Variants in ECM2 observed in about 807,000 individuals in gnomAD.
ECM2 encodes the protein extracellular matrix protein 2.
In ECM2, 57 loss-of-function variants were observed where a neutral mutation model predicts 67.5. That is an observed-to-expected ratio of 0.84 (90% CI 0.68 to 1.05). The LOEUF (loss-of-function observed/expected upper bound fraction) is 1.05, where lower values mean the gene tolerates loss of function less well. Ranked by LOEUF, ECM2 falls within the 50% of genes least tolerant of loss-of-function variation. ECM2 has a pLI of 0.00. For missense variants in ECM2, 741 were observed against 822.8 expected (o/e 0.90, Z 1.22); for synonymous variants, 258 against 294.5 (o/e 0.88, Z 1.27).
rs548561850 is a variant in ECM2 at position 92,497,891 on chromosome 9, A to G, written c.1932-1408T>C. On this transcript the variant is annotated intron_variant, in intron 9 of 9. Coordinates refer to ENST00000344604, the MANE Select transcript of ECM2 (RefSeq NM_001393.4). ...TGGTTGTTTAAAAAAAAAAAAAAAA[A>G]AAGAAGTCTGGCACCTCCCCATTCT... Among the ~76,000 whole-genome samples, 68 of 150,216 alleles carry G rather than the reference A, an allele frequency of 4.5e-4. 1 individual carries two copies. The East Asian group carries it at 7.0e-3, about 16-fold the overall frequency.
At chr9:92,521,653 T>C (rs1848077619) in intron 2 of ECM2, among the ~76,000 whole-genome samples, 2 of 152,214 alleles carry the variant, frequency 1.3e-5, no homozygotes. Context: ...ATGTAAACCA[T>C]TTAATACGTT....
Position 92,522,799 on chromosome 9 carries a change from T to C in ECM2, c.68A>G (p.Glu23Gly), listed in dbSNP as rs769256474. Residue 23 changes from glutamate (E) to glycine (G), a missense_variant, in exon 2 of 10, where the codon GAA (glutamate) becomes GGA (glycine). Coordinates refer to ENST00000344604, the MANE Select transcript of ECM2 (RefSeq NM_001393.4). The part of the protein sequence containing the change: ...IIFQTDFGKN[E>G]EIPRKQRRKI... ...CCTCCTTTGCTTCCTAGGAATTTCT[T>C]CATTTTTTCCAAAGTCAGTTTGAAA... 1.2e-6 allele frequency: 2 copies of C among 1,613,224 alleles called. No homozygotes were observed. Among genetic ancestry groups the C allele is most frequent in the African/African-American group, 2.7e-5 (2 of 74,896 alleles).
At chr9:92,495,233 A>T (rs1846290531), downstream of ECM2, 1 of 632,946 alleles carries the variant, frequency 1.6e-6, no homozygotes, top group Admixed American at 6.3e-5. Flanking sequence ...GCCAAGACAT[A>T]AAACTGAGAG....
intron 1 of ECM2, among the ~76,000 whole-genome samples, chr9:92,531,877 G>C (rs1316575964): frequency 6.6e-6 from 1 of 151,856 alleles, no homozygotes; most frequent in Non-Finnish European, 1.5e-5. Context: ...ATACATTCTG[G>C]GGTTGACAAG....
At chr9:92,549,325 A>G in the ECM2 span, among the ~76,000 whole-genome samples, 6 of 152,314 alleles carry the variant, frequency 3.9e-5, no homozygotes, top group East Asian at 1.2e-3. Context: ...ATGAGGTTCC[A>G]GGGGCACAGG....
chr9:92,547,326 A>G, the ECM2 span, among the ~76,000 whole-genome samples: 2 of 152,270 alleles, frequency 1.3e-5, no homozygotes, highest in African/African-American at 2.4e-5. Context: ...CTGAAAACAC[A>G]TATGTCCACA....
chr9:92,551,993 G>T, the ECM2 span, among the ~76,000 whole-genome samples: 1 of 127,484 alleles, frequency 7.8e-6, no homozygotes, highest in Non-Finnish European at 1.7e-5. Flanking sequence ...GTATATATGT[G>T]ATATATATGT....
Position 92,522,696 on chromosome 9 carries a change from T to C in ECM2, c.171A>G (p.Gln57=), listed in dbSNP as rs775117788. 6.2e-7 allele frequency: 1 copy of C among 1,614,174 alleles called. No homozygotes were observed. The highest frequency in any genetic ancestry group is 1.7e-5 in the Admixed American group (1 of 60,018). Residue 57 remains glutamine (Q), a synonymous_variant, in exon 2 of 10, where the codon CAA becomes CAG. Coordinates refer to ENST00000344604, the MANE Select transcript of ECM2 (RefSeq NM_001393.4). The part of the protein sequence containing the change: ...HRSNRQLGIQ[Q]TTVFTPVARL... ...TTGCTACTGGTGTAAAAACTGTTGTTTGCTGAATTCCAAGCTGTCTGTTTG... is the reference window on the plus strand; with the variant it reads ...TTGCTACTGGTGTAAAAACTGTTGTCTGCTGAATTCCAAGCTGTCTGTTTG...
At chr9:92,557,803 C>T in the ECM2 span, among the ~76,000 whole-genome samples, 91 of 152,116 alleles carry the variant, frequency 6.0e-4, no homozygotes, top group Middle Eastern at 3.4e-3. Context: ...CCACCACGCC[C>T]GACTAATTTT....
At chr9:92,548,373 A>G in the ECM2 span, among the ~76,000 whole-genome samples, 1 of 152,226 alleles carries the variant, frequency 6.6e-6, no homozygotes, top group Non-Finnish European at 1.5e-5. Context: ...ATTTCAGCTC[A>G]GCAAAGGGAA....
downstream of ECM2, chr9:92,495,242 A>G (rs922445357): frequency 2.7e-5 from 18 of 659,932 alleles, no homozygotes; most frequent in Admixed American, 3.2e-4. Context: ...TAAAACTGAG[A>G]GTAACAAAAG....
chr9:92,519,177 A>G (rs12338938), intron 2 of ECM2, among the ~76,000 whole-genome samples: 63,776 of 151,944 alleles, frequency 0.42, 15,668 homozygotes, highest in African/African-American at 0.68. Context: ...CTCTCATTCG[A>G]ATACTTGCAA....
chr9:92,496,513 A>G (rs1846353100), intron 9 of ECM2, 30 bp from the exon 10 acceptor site: 2 of 1,595,386 alleles, frequency 1.3e-6, no homozygotes, highest in African/African-American at 1.4e-5. Context: ...CAAGTCACAC[A>G]TGGTCCCAGT....
At chr9:92,543,471 CAAAAAAAAAAAAAA>C in the ECM2 span, among the ~76,000 whole-genome samples, 10 of 44,538 alleles carry the variant, frequency 2.2e-4, no homozygotes, top group East Asian at 8.8e-3. Context: ...AACCCTGTCT[CAAAAAAAAAAAAAA>C]AAAAAAAAAA....
the ECM2 span, among the ~76,000 whole-genome samples, chr9:92,547,350 A>C: frequency 2.0e-5 from 3 of 152,246 alleles, no homozygotes; most frequent in Admixed American, 2.0e-4. Context: ...AAACTTGAGG[A>C]CAATTGTTCA....
In ECM2 at chr9:92,508,891, AACAG is replaced by A. The variant is rs559738618; in HGVS notation, c.1306+1004_1306+1007del. On this transcript the variant is annotated intron_variant, in intron 6 of 9. Coordinates refer to ENST00000344604, the MANE Select transcript of ECM2 (RefSeq NM_001393.4). ...AACATAATATGTTTCAAAGCAAGGA[AACAG>A]ACAGTGTTGAGCACTGTACCTCAAG... is the stretch of plus-strand genomic sequence containing the variant. Among the ~76,000 whole-genome samples the A allele has an allele frequency of 4.6e-5, 7 of 152,254 alleles. No homozygotes were observed. In the South Asian group the frequency reaches 1.4e-3, roughly 32 times the overall value.
chr9:92,514,936 C>G lies in ECM2; in HGVS notation c.749G>C (p.Arg250Thr), dbSNP rs1237468183. The change falls in exon 4 of 10, where the codon AGA (arginine) becomes ACA (threonine). Residue 250 changes from arginine to threonine, a missense_variant. Transcript: ENST00000344604. The part of the protein sequence containing the change: ...YSEGDSRGGD[R>T]KQRPGEERRL... ...CCTCTCCTCTCCAGGCCTCTGCTTT[C>G]TGTCTCCTCCTCTGCTGTCCCCCTC... 6.2e-7 allele frequency: 1 copy of G among 1,614,094 alleles called. No homozygotes were observed. The highest frequency in any genetic ancestry group is 8.5e-7 in the Non-Finnish European group (1 of 1,179,978).
chr9:92,525,893 CAAAAAAA>C (rs71362395), intron 1 of ECM2, among the ~76,000 whole-genome samples: 1 of 43,908 alleles, frequency 2.3e-5, no homozygotes, highest in African/African-American at 8.5e-5. Flanking sequence ...ACTCTATCTC[CAAAAAAA>C]AAAAAAAAAA....
At chr9:92,533,175 G>A (rs898264993) in intron 1 of ECM2, among the ~76,000 whole-genome samples, 2 of 149,796 alleles carry the variant, frequency 1.3e-5, no homozygotes, top group South Asian at 2.1e-4. Context: ...TGGCACGCGC[G>A]TGTAGTCCCA....
Sources: gnomAD v4.1 joint callset for allele counts (sites outside exome capture counted in the v4.1 genomes callset) on GRCh38, gnomAD v4.1.1 for gene constraint, MANE v1.5 for transcripts, NCBI Gene and HGNC (gene_info 2026-07-23, HGNC 2026-07-21) for gene names.